The following TYR variants were observed in gnomAD, a reference collection of about 807,000 sequenced individuals.
TYR encodes the protein LB24-AB.
TYR carries 58 observed loss-of-function variants against 51.5 expected under a neutral mutation model. The observed-to-expected ratio is 1.13, with a 90% CI of 0.91 to 1.40. TYR has a LOEUF of 1.40. TYR is among the 40% of genes most tolerant of loss of function. The pLI is 0.00. For missense variants in TYR, 732 were observed against 647.4 expected (o/e 1.13, Z -1.42); for synonymous variants, 263 against 235.2 (o/e 1.12, Z -1.08).
At chr11:89,221,270 G>A (rs1035069998) in intron 2 of TYR, among the ~76,000 whole-genome samples, 3 of 152,180 alleles carry the variant, frequency 2.0e-5, no homozygotes, top group Admixed American at 1.3e-4. Context: ...TATGTGGAGT[G>A]TTTGTGCCCT....
chr11:89,277,054 T>C (rs1460573760), intron 3 of TYR, among the ~76,000 whole-genome samples: 1 of 151,822 alleles, frequency 6.6e-6, no homozygotes, highest in Non-Finnish European at 1.5e-5. Flanking sequence ...TTCACTTCCT[T>C]ATTTTATTTT....
rs1050456782 is a variant in TYR at position 89,179,681 on chromosome 11, G to A, written c.819+909G>A. 5.3e-5 allele frequency among the ~76,000 whole-genome samples: 8 copies of A among 152,020 alleles called. No homozygotes were observed. The East Asian group carries it at 1.5e-3, about 29-fold the overall frequency. ...TCATTCTGTCTCACTTTTTCTTTAG[G>A]CTGCATTAGAAGTTAGCTTTCTTTC... is the stretch of plus-strand genomic sequence containing the variant. On this transcript the variant is annotated intron_variant, in intron 1 of 4. Transcript: ENST00000263321.
intron 2 of TYR, among the ~76,000 whole-genome samples, chr11:89,197,460 G>A (rs1315874198): frequency 6.6e-6 from 1 of 152,086 alleles, no homozygotes; most frequent in Non-Finnish European, 1.5e-5. Flanking sequence ...AAAACCCAAT[G>A]TTTAAAAACC....
intron 3 of TYR, among the ~76,000 whole-genome samples, chr11:89,270,199 A>C (rs1193862416): frequency 6.6e-6 from 1 of 151,852 alleles, no homozygotes; most frequent in East Asian, 1.9e-4. Context: ...AGGGTCCCAG[A>C]AGCGTAATTC....
intron 3 of TYR, among the ~76,000 whole-genome samples, chr11:89,270,018 G>C (rs1944570143): frequency 6.6e-6 from 1 of 151,880 alleles, no homozygotes; most frequent in Non-Finnish European, 1.5e-5. Flanking sequence ...ACCGTAACTA[G>C]GCACGATTAT....
intron 3 of TYR, among the ~76,000 whole-genome samples, chr11:89,282,642 A>G (rs1257689575): frequency 2.0e-5 from 3 of 151,870 alleles, no homozygotes; most frequent in Non-Finnish European, 4.4e-5. Context: ...TTATAAAATC[A>G]TAGGACTTTA....
chr11:89,202,020 G>C (rs117769929), intron 2 of TYR, among the ~76,000 whole-genome samples: 2 of 152,070 alleles, frequency 1.3e-5, no homozygotes, highest in African/African-American at 4.8e-5. Flanking sequence ...TTTTGGTTCA[G>C]TAGGTCTGGC....
At chr11:89,184,207 G>A (rs1370709011) in intron 1 of TYR, among the ~76,000 whole-genome samples, 1 of 151,332 alleles carries the variant, frequency 6.6e-6, no homozygotes, top group African/African-American at 2.5e-5. Flanking sequence ...CCAGTCATCC[G>A]AACACTTAGT....
chr11:89,263,297 T>C lies in TYR; in HGVS notation c.1185-21476T>C, dbSNP rs183333415. ...TAGGTGCAGAAAAAGATAGTACCTTTCATGATTTAAAAAACAAACATGCAT... is the reference window on the plus strand; with the variant it reads ...TAGGTGCAGAAAAAGATAGTACCTTCCATGATTTAAAAAACAAACATGCAT... On this transcript the variant is annotated intron_variant, in intron 3 of 4. Transcript: ENST00000263321. Among the ~76,000 whole-genome samples the C allele has an allele frequency of 9.3e-3, 1,418 of 152,036 alleles. 23 individuals are homozygous for C. Among genetic ancestry groups the C allele is most frequent in the African/African-American group, 0.033 (1,366 of 41,528 alleles).
intron 3 of TYR, among the ~76,000 whole-genome samples, chr11:89,265,389 T>A (rs1027014311): frequency 1.3e-5 from 2 of 152,088 alleles, no homozygotes; most frequent in African/African-American, 4.8e-5. Flanking sequence ...TCCTCTGCCT[T>A]CGCCACTTGG....
chr11:89,201,856 A>C (rs1423787856), intron 2 of TYR, among the ~76,000 whole-genome samples: 1 of 152,210 alleles, frequency 6.6e-6, no homozygotes, highest in Non-Finnish European at 1.5e-5. Flanking sequence ...TTTTTTAAAA[A>C]TAAGGGCATC....
intron 2 of TYR, among the ~76,000 whole-genome samples, chr11:89,204,090 C>G (rs80077167): frequency 6.6e-6 from 1 of 152,302 alleles, no homozygotes; most frequent in Non-Finnish European, 1.5e-5. Flanking sequence ...ATTCTATCCC[C>G]ACCAGGCAGT....
intron 2 of TYR, among the ~76,000 whole-genome samples, chr11:89,225,163 A>T (rs1943961536): frequency 2.6e-5 from 4 of 151,926 alleles, no homozygotes; most frequent in Non-Finnish European, 5.9e-5. Context: ...ATTTATAAAT[A>T]AAAATTGTAT....
chr11:89,246,312 A>G (rs1944266891), intron 3 of TYR, among the ~76,000 whole-genome samples: 2 of 152,202 alleles, frequency 1.3e-5, no homozygotes, highest in African/African-American at 4.8e-5. Flanking sequence ...GCAGATCTCC[A>G]AGCCTAATTT....
rs201789452 is a variant in TYR, at chr11:89,242,690, CT to C, written c.1184+14727del. Among the ~76,000 whole-genome samples the C allele has an allele frequency of 3.0e-3, 462 of 152,182 alleles. 1 individual carries two copies. The highest frequency in any genetic ancestry group is 0.01 in the African/African-American group (429 of 41,524). ...GGCAGTGTGGGCCAATGGAAGAAAA[CT>C]TTTTTTACATTTAGAATCTGTTAAT... On this transcript the variant is annotated intron_variant, in intron 3 of 4. Transcript: ENST00000263321.
chr11:89,262,523 A>G (rs1412970962), intron 3 of TYR, among the ~76,000 whole-genome samples: 2 of 151,740 alleles, frequency 1.3e-5, no homozygotes, highest in Non-Finnish European at 2.9e-5. Context: ...GAGAATACGA[A>G]CACAGTAGAG....
chr11:89,249,995 G>C (rs1944313024), intron 3 of TYR, among the ~76,000 whole-genome samples: 1 of 152,016 alleles, frequency 6.6e-6, no homozygotes, highest in Middle Eastern at 3.2e-3. Context: ...TACTGATCTA[G>C]TTATTTCTAT....
intron 3 of TYR, among the ~76,000 whole-genome samples, chr11:89,248,040 C>G (rs1011583396): frequency 3.9e-5 from 6 of 152,126 alleles, no homozygotes; most frequent in South Asian, 2.1e-4. Flanking sequence ...GAATCCCAAA[C>G]CTGCTACATC....
At chr11:89,221,001 CTT>C (rs1565402632) in intron 2 of TYR, among the ~76,000 whole-genome samples, 1 of 152,142 alleles carries the variant, frequency 6.6e-6, no homozygotes, top group African/African-American at 2.4e-5. Flanking sequence ...ACACAAAAAC[CTT>C]TCTTGAATTT....
Sources: allele counts gnomAD v4.1 joint callset (sites outside exome capture counted in the v4.1 genomes callset), GRCh38; gene constraint gnomAD v4.1.1; transcripts MANE v1.5; gene names NCBI Gene and HGNC (gene_info 2026-07-23, HGNC 2026-07-21).